The following RIMS1 variants were observed in gnomAD, a reference collection of about 807,000 sequenced individuals.
The protein encoded by RIMS1 is regulating synaptic membrane exocytosis protein 1.
Under a neutral mutation model 214.1 loss-of-function variants are expected in RIMS1, and 83 were observed. That is an observed-to-expected ratio of 0.39 (90% CI 0.32 to 0.47). RIMS1 has a LOEUF of 0.47. Among genes scored for constraint, RIMS1 ranks in the 20% least tolerant of loss-of-function variants. The pLI, the probability that RIMS1 is intolerant of heterozygous loss-of-function variation, is 0.99. For synonymous variants in RIMS1, 793 were observed against 786.8 expected (o/e 1.01, Z -0.13); for missense variants, 2,050 against 2,161.8 (o/e 0.95, Z 1.03).
chr6:72,290,666 C>G lies in RIMS1; in HGVS notation c.3555-13C>G, dbSNP rs1414376611. On this transcript the variant is annotated splice_polypyrimidine_tract_variant and intron_variant, in intron 24 of 33. Transcript: ENST00000521978. ...CTGCTGACTGAAGATCTTTTTTGGC[C>G]CTAATGTTTTAGGGTTCTCCCAACA... 2 of 1,607,102 alleles carry G rather than the reference C, an allele frequency of 1.2e-6. No individual in the cohort carries two copies. Among genetic ancestry groups the G allele is most frequent in the African/African-American group, 2.7e-5 (2 of 74,556 alleles).
At chr6:72,292,619 G>A (rs1242771508) in intron 26 of RIMS1, among the ~76,000 whole-genome samples, 1 of 152,018 alleles carries the variant, frequency 6.6e-6, no homozygotes, top group African/African-American at 2.4e-5. Context: ...GAGAGAGAAT[G>A]TATACGGTCT....
At chr6:72,336,383 A>G (rs1421769370) in intron 29 of RIMS1, among the ~76,000 whole-genome samples, 1 of 151,844 alleles carries the variant, frequency 6.6e-6, no homozygotes, top group East Asian at 1.9e-4. Flanking sequence ...TTTTTCATTT[A>G]TGTTTTATCT....
chr6:72,350,645 C>T (rs558378127), intron 29 of RIMS1, among the ~76,000 whole-genome samples: 6 of 152,134 alleles, frequency 3.9e-5, no homozygotes, highest in South Asian at 2.1e-4. Flanking sequence ...TTGGCTGAAG[C>T]GTTTGAAAAT....
intron 29 of RIMS1, among the ~76,000 whole-genome samples, chr6:72,348,496 T>C (rs1246866597): frequency 6.6e-6 from 1 of 151,974 alleles, no homozygotes; most frequent in Non-Finnish European, 1.5e-5. Flanking sequence ...TTGCTCTCGA[T>C]AGATTTAACC....
chr6:72,316,583 T>G, intron 28 of RIMS1: 1 of 411,352 alleles, frequency 2.4e-6, no homozygotes, highest in South Asian at 2.1e-5. Flanking sequence ...GAGGAGCCCC[T>G]GCCTTAGGAG....
At chr6:72,225,710 A>G (rs2059993452) in intron 6 of RIMS1, among the ~76,000 whole-genome samples, 1 of 152,196 alleles carries the variant, frequency 6.6e-6, no homozygotes, top group Non-Finnish European at 1.5e-5. Flanking sequence ...CGTGAATGGA[A>G]TACTCAGTGT....
intron 1 of RIMS1, among the ~76,000 whole-genome samples, chr6:71,890,054 G>A (rs967823992): frequency 6.6e-6 from 1 of 152,092 alleles, no homozygotes; most frequent in Non-Finnish European, 1.5e-5. Context: ...GAAAATGATG[G>A]ATGAATATGT....
intron 6 of RIMS1, among the ~76,000 whole-genome samples, chr6:72,221,246 T>C (rs574682219): frequency 6.6e-6 from 1 of 151,616 alleles, no homozygotes; most frequent in South Asian, 2.1e-4. Flanking sequence ...TGTGATACAG[T>C]GATAATTATG....
At chr6:71,888,310 C>T (rs1424813724) in intron 1 of RIMS1, among the ~76,000 whole-genome samples, 2 of 152,182 alleles carry the variant, frequency 1.3e-5, no homozygotes, top group Admixed American at 1.3e-4. Context: ...GGGGCCCTGA[C>T]TGTGACTGAC....
At chr6:72,044,094 G>T (rs986688413) in intron 2 of RIMS1, among the ~76,000 whole-genome samples, 3 of 151,490 alleles carry the variant, frequency 2.0e-5, no homozygotes, top group Non-Finnish European at 4.4e-5. Flanking sequence ...AAAATAAATA[G>T]GTTTTTTAAT....
At chr6:72,297,125 G>C (rs1289488402) in intron 26 of RIMS1, among the ~76,000 whole-genome samples, 1 of 151,712 alleles carries the variant, frequency 6.6e-6, no homozygotes, top group Non-Finnish European at 1.5e-5. Context: ...TTCTGGCATA[G>C]TGTCTGATAT....
intron 23 of RIMS1, among the ~76,000 whole-genome samples, chr6:72,280,474 T>C (rs1367149918): frequency 6.6e-6 from 1 of 152,024 alleles, no homozygotes; most frequent in African/African-American, 2.4e-5. Context: ...AAAATAACAT[T>C]AGAATTTTCT....
At chr6:72,352,073 G>A (rs1248981601) in intron 29 of RIMS1, among the ~76,000 whole-genome samples, 1 of 152,196 alleles carries the variant, frequency 6.6e-6, no homozygotes, top group Non-Finnish European at 1.5e-5. Flanking sequence ...TGTCATTGAA[G>A]TTGGCCGAGG....
At chr6:72,049,310 G>T (rs956498469) in intron 2 of RIMS1, among the ~76,000 whole-genome samples, 1 of 151,922 alleles carries the variant, frequency 6.6e-6, no homozygotes, top group Admixed American at 6.6e-5. Flanking sequence ...AACTTCCAGA[G>T]TTCAGAGCCC....
chr6:72,113,827 C>G (rs1381887125), intron 4 of RIMS1, among the ~76,000 whole-genome samples: 1 of 151,904 alleles, frequency 6.6e-6, no homozygotes. Flanking sequence ...ATTGAAATAT[C>G]AAATAAAAAT....
chr6:71,933,968 G>GC (rs1288427124), intron 1 of RIMS1, among the ~76,000 whole-genome samples: 8 of 152,240 alleles, frequency 5.3e-5, no homozygotes, highest in Non-Finnish European at 1.0e-4. Context: ...TGGACTAAGG[G>GC]AAATCCATAA....
chr6:71,941,282 C>T (rs1786045735), intron 1 of RIMS1, among the ~76,000 whole-genome samples: 1 of 150,798 alleles, frequency 6.6e-6, no homozygotes, highest in Non-Finnish European at 1.5e-5. Context: ...TTACCCACTA[C>T]TTAAAGATAA....
intron 29 of RIMS1, among the ~76,000 whole-genome samples, chr6:72,380,831 C>T (rs2098474584): frequency 6.6e-6 from 1 of 152,112 alleles, no homozygotes; most frequent in Non-Finnish European, 1.5e-5. Context: ...CATGCCTGGC[C>T]TTCGGACCAC....
At chr6:72,357,956 A>G (rs968207177) in intron 29 of RIMS1, among the ~76,000 whole-genome samples, 2 of 152,200 alleles carry the variant, frequency 1.3e-5, no homozygotes, top group Non-Finnish European at 2.9e-5. Flanking sequence ...GTGATGCTCA[A>G]CGTCTTTACA....
Sources: allele counts gnomAD v4.1 joint callset (sites outside exome capture counted in the v4.1 genomes callset), GRCh38; gene constraint gnomAD v4.1.1; transcripts MANE v1.5; gene names NCBI Gene and HGNC (gene_info 2026-07-23, HGNC 2026-07-21).